The following UBR3 variants were observed in gnomAD, a reference collection of about 807,000 sequenced individuals.
UBR3 encodes the protein E3 ubiquitin-protein ligase UBR3.
UBR3 carries 85 observed loss-of-function variants against 243.2 expected under a neutral mutation model. That is an observed-to-expected ratio of 0.35 (90% CI 0.29 to 0.42). The LOEUF (loss-of-function observed/expected upper bound fraction) is 0.42. Ranked by LOEUF, UBR3 falls within the 10% of genes least tolerant of loss-of-function variation. The pLI, the probability that UBR3 is intolerant of heterozygous loss-of-function variation, is 1.00. For synonymous variants in UBR3, 748 were observed against 799.8 expected (o/e 0.94, Z 1.09); for missense variants, 1,686 against 2,300.8 (o/e 0.73, Z 5.47).
intron 30 of UBR3, among the ~76,000 whole-genome samples, chr2:170,024,764 C>T (rs1214808445): frequency 6.6e-6 from 1 of 152,114 alleles, no homozygotes; most frequent in Non-Finnish European, 1.5e-5. Context: ...GTTGTTTTCT[C>T]AGTTTCAGTA....
chr2:170,002,994 C>A (rs1559176123), intron 27 of UBR3, among the ~76,000 whole-genome samples: 1 of 152,112 alleles, frequency 6.6e-6, no homozygotes, highest in African/African-American at 2.4e-5. Context: ...AAATACAGGT[C>A]TACTATATTC....
At chr2:170,080,162 C>A in intron 37 of UBR3, 139 bp downstream of exon 37, 2 of 821,864 alleles carry the variant, frequency 2.4e-6, no homozygotes, top group Non-Finnish European at 3.7e-6. Context: ...TTTTTTAATC[C>A]AGTAGAAGAG....
intron 1 of UBR3, among the ~76,000 whole-genome samples, chr2:169,855,549 ACT>A (rs916324782): frequency 9.9e-5 from 15 of 151,334 alleles, no homozygotes; most frequent in African/African-American, 3.6e-4. Context: ...AGTGGTGATG[ACT>A]CTTAACGAGC....
chr2:169,926,827 T>G lies in UBR3; in HGVS notation c.2205-11T>G, dbSNP rs543040597. ...TTTATAAAAATATGTTTCAAATATTTCTTCTTGTAGATTTAAGGTAGTGGA... is the reference window on the plus strand; with the variant it reads ...TTTATAAAAATATGTTTCAAATATTGCTTCTTGTAGATTTAAGGTAGTGGA... On this transcript the variant is annotated splice_polypyrimidine_tract_variant and intron_variant, in intron 15 of 38. Transcript: ENST00000272793. The G allele has an allele frequency of 6.5e-7, 1 of 1,546,908 alleles. No homozygotes were observed. The highest frequency in any genetic ancestry group is 8.7e-7 in the Non-Finnish European group (1 of 1,144,986).
chr2:169,835,332 C>A (rs1031252815), intron 1 of UBR3, among the ~76,000 whole-genome samples: 1 of 152,040 alleles, frequency 6.6e-6, no homozygotes, highest in Admixed American at 6.6e-5. Context: ...ATAGTCACTG[C>A]ACTCCAGCCT....
chr2:170,035,810 C>T (rs1310187200), intron 31 of UBR3, among the ~76,000 whole-genome samples: 5 of 149,054 alleles, frequency 3.4e-5, no homozygotes. Context: ...TATCTCTCTC[C>T]ATTTATGTAG....
At chr2:169,874,816 A>G (rs2083547054) in intron 2 of UBR3, among the ~76,000 whole-genome samples, 1 of 152,216 alleles carries the variant, frequency 6.6e-6, no homozygotes, top group Non-Finnish European at 1.5e-5. Flanking sequence ...TTTCCTGGGC[A>G]CACAGGTTCT....
chr2:169,917,459 G>A lies in UBR3; in HGVS notation c.1866+3313G>A, dbSNP rs548478425. Among the ~76,000 whole-genome samples the A allele has an allele frequency of 3.3e-5, 5 of 152,298 alleles. No individual in the cohort carries two copies. In the East Asian group the frequency reaches 9.7e-4, roughly 29 times the overall value. ...TAAGACAACAGTAAGATTGAACTGG[G>A]AGAAAATTATACACAAGAAAATGAT... On this transcript the variant is annotated intron_variant, in intron 11 of 38. Coordinates refer to ENST00000272793, the MANE Select transcript of UBR3 (RefSeq NM_172070.4).
intron 35 of UBR3, among the ~76,000 whole-genome samples, chr2:170,067,011 A>G (rs186457582): frequency 2.8e-4 from 25 of 90,188 alleles, no homozygotes; most frequent in African/African-American, 7.4e-4. Context: ...ATTATAACTG[A>G]GAGGTAGCTA....
At chr2:169,985,049 G>T (rs2088934416) in intron 24 of UBR3, among the ~76,000 whole-genome samples, 1 of 151,720 alleles carries the variant, frequency 6.6e-6, no homozygotes. Flanking sequence ...GTGAGATAGG[G>T]TCAATGAAAT....
intron 35 of UBR3, 150 bp from the exon 36 acceptor site, chr2:170,073,278 T>C (rs561357498): frequency 1.1e-4 from 86 of 771,140 alleles, no homozygotes; most frequent in Admixed American, 3.2e-4. Flanking sequence ...TTTTCTCTCT[T>C]GTTTCTCTTA....
At chr2:170,007,509 G>A (rs1285114163) in intron 28 of UBR3, among the ~76,000 whole-genome samples, 4 of 152,170 alleles carry the variant, frequency 2.6e-5, no homozygotes, top group Non-Finnish European at 4.4e-5. Context: ...TGTAATCCCA[G>A]CACTTTGGGA....
rs150478347 is a variant in UBR3 at position 169,905,887 on chromosome 2, G to T, written c.1646-144G>T. On this transcript the variant is annotated intron_variant, in intron 9 of 38. Coordinates refer to ENST00000272793, the MANE Select transcript of UBR3 (RefSeq NM_172070.4). Reference sequence around the variant, plus strand: ...AAAGGACTAGATTGTTTCATTTTTAGTAATTTACTTATTTCTATATGTACT... The same window carrying T: ...AAAGGACTAGATTGTTTCATTTTTATTAATTTACTTATTTCTATATGTACT... 188 of 836,622 alleles carry T rather than the reference G, an allele frequency of 2.2e-4. 2 individuals are homozygous for T. In the African/African-American group the frequency reaches 2.7e-3, roughly 12 times the overall value. The allele number at this position is 836,622 out of a possible 1,614,324, so 51.8% of individuals were successfully genotyped here.
intron 32 of UBR3, among the ~76,000 whole-genome samples, chr2:170,044,511 A>G (rs2091037943): frequency 6.6e-6 from 1 of 152,080 alleles, no homozygotes; most frequent in Admixed American, 6.6e-5. Context: ...CCATCACATC[A>G]CTGGCCTCTA....
intron 2 of UBR3, among the ~76,000 whole-genome samples, chr2:169,872,738 T>G (rs1356391967): frequency 6.6e-6 from 1 of 152,084 alleles, no homozygotes; most frequent in Non-Finnish European, 1.5e-5. Context: ...CTTAGATTTT[T>G]AGAAGATAAA....
At chr2:169,950,592 CT>C (rs1156770977) in intron 23 of UBR3, among the ~76,000 whole-genome samples, 1 of 150,482 alleles carries the variant, frequency 6.6e-6, no homozygotes, top group African/African-American at 2.5e-5. Context: ...TATTTATAAA[CT>C]TTTTTTTCAT....
At chr2:170,072,896 T>A (rs2091729829) in intron 35 of UBR3, among the ~76,000 whole-genome samples, 1 of 152,184 alleles carries the variant, frequency 6.6e-6, no homozygotes, top group African/African-American at 2.4e-5. Context: ...CACTGATATC[T>A]CTGGTACTTT....
rs2091931939 is a variant in UBR3, at chr2:170,083,116, C to A, written c.*1273C>A. 1.3e-5 allele frequency: 2 copies of A among 152,404 alleles called. No individual in the cohort carries two copies. The highest frequency in any genetic ancestry group is 6.6e-5 in the Admixed American group (1 of 15,252). The allele number at this position is 152,404 out of a possible 1,614,324, so 9.4% of individuals were successfully genotyped here. A position where few individuals can be genotyped will look rare whatever the true frequency, so the allele number is the denominator to read the frequency against. The stretch of plus-strand genomic sequence containing the variant: ...AGCAATCCCTGGTACTTTGGACTTC[C>A]ATGGCTTGTTATATAAAATTACATT... On this transcript the variant is annotated 3_prime_UTR_variant, in exon 39 of 39. Transcript: ENST00000272793.
chr2:170,060,200 A>C (rs1255270982), intron 33 of UBR3, among the ~76,000 whole-genome samples: 1 of 152,122 alleles, frequency 6.6e-6, no homozygotes, highest in African/African-American at 2.4e-5. Flanking sequence ...CTTTATCCCA[A>C]TTTACATTTT....
Sources: allele counts gnomAD v4.1 joint callset (sites outside exome capture counted in the v4.1 genomes callset), GRCh38; gene constraint gnomAD v4.1.1; transcripts MANE v1.5; gene names NCBI Gene and HGNC (gene_info 2026-07-23, HGNC 2026-07-21).